KCNAB2: variants seen among roughly 807,000 people sequenced by gnomAD.
The protein encoded by KCNAB2 is voltage-gated potassium channel subunit beta-2.
A neutral mutation model predicts 63.6 loss-of-function variants in KCNAB2; 29 were observed. The ratio of observed to expected loss-of-function variants is 0.46; its 90% CI spans 0.34 to 0.62. The LOEUF is 0.62. KCNAB2 is among the 20% of genes least tolerant of loss of function. The pLI is 0.01. For missense variants in KCNAB2, 359 were observed against 563.9 expected (o/e 0.64, Z 3.68); for synonymous variants, 222 against 224.2 (o/e 0.99, Z 0.09).
chr1:6,100,524 C>G lies in KCNAB2; in HGVS notation c.*1950C>G, dbSNP rs1571125809. The G allele has an allele frequency of 6.5e-6, 1 of 153,458 alleles. No individual in the cohort carries two copies. The highest frequency in any genetic ancestry group is 1.9e-4 in the East Asian group (1 of 5,190). The allele number at this position is 153,458 out of a possible 1,614,324, so 9.5% of individuals were successfully genotyped here. A position where few individuals can be genotyped will look rare whatever the true frequency, so the allele number is the denominator to read the frequency against. Reference sequence around the variant, plus strand: ...CGCCATCAGGGAGGGTGGCTGGCCCCATCCCCACTGCCACCCAGCCCCACC... The same window carrying G: ...CGCCATCAGGGAGGGTGGCTGGCCCGATCCCCACTGCCACCCAGCCCCACC... On this transcript the variant is annotated 3_prime_UTR_variant, in exon 16 of 16. Coordinates refer to ENST00000378083, the MANE Select transcript of KCNAB2 (RefSeq NM_001199862.2).
At position 6,084,584 on chromosome 1, in the gene KCNAB2, A is replaced by AG. The variant is rs1557499377; in HGVS notation, c.381-619dup. Among the ~76,000 whole-genome samples, 7 of 152,180 alleles carry AG rather than the reference A, an allele frequency of 4.6e-5. No homozygotes were observed. The East Asian group carries it at 7.7e-4, about 17-fold the overall frequency. On this transcript the variant is annotated intron_variant, in intron 5 of 15. Coordinates refer to ENST00000378083, the MANE Select transcript of KCNAB2 (RefSeq NM_001199862.2). ...GAATCCCAGCACTTTGGGAGGCCAC[A>AG]GTGGGCGGATCACTCGAGATGAGGA...
chr1:6,066,563 C>T lies in KCNAB2; in HGVS notation c.219-6192C>T, dbSNP rs536329132. Among the ~76,000 whole-genome samples, 8 of 152,324 alleles carry T rather than the reference C, an allele frequency of 5.3e-5. No homozygotes were observed. In the East Asian group the frequency reaches 1.5e-3, roughly 29 times the overall value. ...CTGTTTTCTTTCTGAGGGTCGTTTA[C>T]AATAGCCAAGCCACCAATGCTCCCT... On this transcript the variant is annotated intron_variant, in intron 2 of 15. Transcript: ENST00000378083.
At chr1:6,058,545 C>T (rs529336650) in intron 2 of KCNAB2, among the ~76,000 whole-genome samples, 1 of 152,356 alleles carries the variant, frequency 6.6e-6, no homozygotes, top group South Asian at 2.1e-4. Context: ...CTCAAAGCTC[C>T]AGGCTTGGCT....
At chr1:6,083,063 G>A (rs1664346362) in intron 5 of KCNAB2, among the ~76,000 whole-genome samples, 1 of 152,114 alleles carries the variant, frequency 6.6e-6, no homozygotes, top group African/African-American at 2.4e-5. Context: ...AGAGCCTGGG[G>A]AGCGCACAGC....
At chr1:6,032,310 G>A (rs1255486126), upstream of KCNAB2, among the ~76,000 whole-genome samples, 1 of 152,180 alleles carries the variant, frequency 6.6e-6, no homozygotes. Context: ...GCCGGTTGCG[G>A]TGGCTCACAC....
chr1:6,055,153 TG>T (rs1203000129), intron 2 of KCNAB2, among the ~76,000 whole-genome samples: 2 of 152,142 alleles, frequency 1.3e-5, no homozygotes, highest in East Asian at 3.9e-4. Context: ...TTCCTGTTGT[TG>T]TAAGTCCTCT....
intron 2 of KCNAB2, among the ~76,000 whole-genome samples, chr1:6,054,055 AAAAG>A (rs1026775564): frequency 4.6e-5 from 7 of 151,796 alleles, no homozygotes; most frequent in African/African-American, 1.2e-4. Flanking sequence ...AAAAAAAAAA[AAAAG>A]AAGAAGAAGA....
rs549444867 is a variant in KCNAB2 at position 6,071,578 on chromosome 1, C to G, written c.219-1177C>G. 6.6e-6 allele frequency among the ~76,000 whole-genome samples: 1 copy of G among 152,200 alleles called. No individual in the cohort carries two copies. The highest frequency in any genetic ancestry group is 6.5e-5 in the Admixed American group (1 of 15,286). ...GCCTGGGTGGGATCCAGCTCCTCCG[C>G]GTGCTGGGCAGGTATCGTAACGTGG... On this transcript the variant is annotated intron_variant, in intron 2 of 15. Transcript: ENST00000378083. The surrounding 1 kb of genome is among the most constrained non-coding windows in gnomAD (Gnocchi z 8.5).
upstream of KCNAB2, among the ~76,000 whole-genome samples, chr1:6,029,449 A>G (rs1362452983): frequency 3.9e-5 from 6 of 152,172 alleles, no homozygotes; most frequent in Admixed American, 1.3e-4. Flanking sequence ...GATGCACCGT[A>G]CAAGAGCAGC....
chr1:6,072,819 C>T (rs747778394), intron 3 of KCNAB2, 21 bp downstream of exon 3: 21 of 1,612,050 alleles, frequency 1.3e-5, no homozygotes, highest in Middle Eastern at 1.6e-4. Context: ...GGGTCCCCTC[C>T]GTCCCACCAG....
chr1:6,082,254 A>C lies in KCNAB2; in HGVS notation c.360A>C (p.Ala120=). Residue 120 remains alanine, a synonymous_variant, in exon 5 of 16, where the codon GCA becomes GCC. Transcript: ENST00000378083. ...ATGGCATCAACCTCTTCGATACAGC[A>C]GAAGTCTACGCAGCCGGCAAGTACG... is the stretch of plus-strand genomic sequence containing the variant. ...YDNGINLFDT[A]EVYAAGKAEV... is the part of the protein sequence containing the mutation. 2 of 1,613,608 alleles carry C rather than the reference A, an allele frequency of 1.2e-6. No individual in the cohort carries two copies. The highest frequency in any genetic ancestry group is 1.7e-6 in the Non-Finnish European group (2 of 1,179,702).
intron 1 of KCNAB2, chr1:6,018,661 G>A (rs1218024994): frequency 6.6e-6 from 1 of 152,168 alleles, no homozygotes; most frequent in African/African-American, 2.4e-5. Context: ...CTAGTGCCTT[G>A]GTAAGAAGAG....
At chr1:6,063,997 G>T (rs779532793) in intron 2 of KCNAB2, among the ~76,000 whole-genome samples, 22 of 152,220 alleles carry the variant, frequency 1.4e-4, no homozygotes, top group Non-Finnish European at 2.8e-4. Context: ...TGCTTAACGT[G>T]CACCACTGGG....
At chr1:6,095,960 A>T (rs780203325) in intron 13 of KCNAB2, among the ~76,000 whole-genome samples, 16 of 144,256 alleles carry the variant, frequency 1.1e-4, no homozygotes, top group Non-Finnish European at 2.1e-4. Flanking sequence ...GAACTCTGAG[A>T]CCCCTGGGCC....
chr1:6,098,378 C>T (rs867722231), intron 15 of KCNAB2, 107 bp from the exon 16 acceptor site: 3 of 1,528,332 alleles, frequency 2.0e-6, no homozygotes, highest in South Asian at 2.5e-5. Flanking sequence ...GATGGGGCAA[C>T]CCGGGCCTGG....
exon 1 of KCNAB2, chr1:6,034,529 G>A (rs1232354341): frequency 6.6e-6 from 1 of 152,360 alleles, no homozygotes; most frequent in Non-Finnish European, 1.5e-5. Flanking sequence ...GGAGTCCAGA[G>A]GGGTTGGGAG....
intron 1 of KCNAB2, among the ~76,000 whole-genome samples, chr1:6,017,732 A>G (rs563526821): frequency 6.6e-6 from 1 of 151,828 alleles, no homozygotes; most frequent in South Asian, 2.1e-4. Flanking sequence ...CGGAGGTTGC[A>G]GTGAGCCAAG....
At chr1:6,034,669 T>G (rs1659891934) in exon 1 of KCNAB2, 1 of 152,372 alleles carries the variant, frequency 6.6e-6, no homozygotes, top group Non-Finnish European at 1.5e-5. Flanking sequence ...AAGCTGCCCT[T>G]GTTCCACGTG....
At chr1:6,037,534 T>C (rs1289522748) in intron 1 of KCNAB2, among the ~76,000 whole-genome samples, 11 of 152,188 alleles carry the variant, frequency 7.2e-5, no homozygotes, top group Admixed American at 7.2e-4. Context: ...GGGCAGGAAC[T>C]CCATTGCTTG....
Sources: gnomAD v4.1 joint callset for allele counts (sites outside exome capture counted in the v4.1 genomes callset) on GRCh38, gnomAD v4.1.1 for gene constraint, Gnocchi (gnomAD v3.1) non-coding constraint, MANE v1.5 for transcripts, NCBI Gene and HGNC (gene_info 2026-07-23, HGNC 2026-07-21) for gene names.